The following OR3A2 variants were observed in gnomAD, a reference collection of about 807,000 sequenced individuals.
The protein encoded by OR3A2 is olfactory receptor 3A2.
For synonymous variants in OR3A2, 126 were observed against 159.3 expected (o/e 0.79, Z 1.57); for missense variants, 318 against 392.8 (o/e 0.81, Z 1.61).
chr17:3,367,287 T>C (rs2049572343), intron 2 of OR3A2, among the ~76,000 whole-genome samples: 2 of 152,136 alleles, frequency 1.3e-5, no homozygotes, highest in East Asian at 1.9e-4. Context: ...CGGTAGTGAT[T>C]TGCGACATTT....
At chr17:3,329,376 C>A (rs1052484143) in intron 3 of OR3A2, among the ~76,000 whole-genome samples, 1 of 150,632 alleles carries the variant, frequency 6.6e-6, no homozygotes, top group African/African-American at 2.5e-5. Flanking sequence ...TTGATTATTG[C>A]CACAATTTCA....
At chr17:3,305,358 T>C (rs374157975) in intron 3 of OR3A2, among the ~76,000 whole-genome samples, 4 of 152,278 alleles carry the variant, frequency 2.6e-5, no homozygotes, top group African/African-American at 2.4e-5. Context: ...AGGCAAGGAA[T>C]ATGAAGAATA....
intron 2 of OR3A2, among the ~76,000 whole-genome samples, chr17:3,337,446 C>A (rs2049281874): frequency 1.3e-5 from 2 of 152,006 alleles, no homozygotes; most frequent in African/African-American, 4.8e-5. Flanking sequence ...CACGAGAGGC[C>A]CCGGTGTGTG....
Position 3,278,265 on chromosome 17 carries a change from A to G in OR3A2, c.653T>C (p.Ile218Thr), listed in dbSNP as rs771172270. The change falls in exon 2 of 2, where the codon ATC (isoleucine) becomes ACC (threonine). Residue 218 changes from isoleucine (I) to threonine (T), a missense_variant. Ile to Thr is a moderately conservative substitution (Grantham distance 89, BLOSUM62 -1). Coordinates refer to ENST00000642052, the Ensembl canonical transcript of OR3A2. ...AGCTGCCACGTGGCTGTAGGCAGTG[A>G]TGATGAGAACCAAAGGTGTGCCTGC... 9 of 1,614,232 alleles carry G rather than the reference A, an allele frequency of 5.6e-6. No homozygotes were observed. In the South Asian group the frequency reaches 8.8e-5, roughly 16 times the overall value.
chr17:3,373,220 G>A (rs2049648089), intron 2 of OR3A2, among the ~76,000 whole-genome samples: 1 of 152,132 alleles, frequency 6.6e-6, no homozygotes, highest in Non-Finnish European at 1.5e-5. Context: ...CTATCATGTG[G>A]TCGATCTTGG....
intron 1 of OR3A2, 53 bp downstream of exon 1, chr17:3,386,072 T>C: frequency 2.5e-6 from 1 of 398,774 alleles, no homozygotes; most frequent in South Asian, 1.3e-4. Context: ...ATGGTGGCGC[T>C]GGTGAGATCC....
chr17:3,317,841 C>A (rs73979534), intron 3 of OR3A2, among the ~76,000 whole-genome samples: 1 of 152,020 alleles, frequency 6.6e-6, no homozygotes, highest in Non-Finnish European at 1.5e-5. Context: ...CTACCCCTCC[C>A]GGCCAGTGCT....
chr17:3,283,678 G>A (rs2048790844), intron 1 of OR3A2, among the ~76,000 whole-genome samples: 2 of 152,176 alleles, frequency 1.3e-5, no homozygotes, highest in South Asian at 4.1e-4. Flanking sequence ...CAGGGTTCAA[G>A]GCTGTGGCAG....
At chr17:3,374,479 G>A (rs2049662164) in intron 2 of OR3A2, among the ~76,000 whole-genome samples, 1 of 152,048 alleles carries the variant, frequency 6.6e-6, no homozygotes, top group South Asian at 2.1e-4. Context: ...TTTATTGGAG[G>A]CTTTATTCAT....
intron 3 of OR3A2, among the ~76,000 whole-genome samples, chr17:3,326,133 T>C (rs903531833): frequency 3.3e-5 from 5 of 152,168 alleles, no homozygotes; most frequent in Non-Finnish European, 5.9e-5. Context: ...TTCATTTCTA[T>C]GGCTGCATAG....
At chr17:3,284,680 C>T (rs960908661), upstream of OR3A2, 1 of 146,000 alleles carries the variant, frequency 6.8e-6, no homozygotes, top group Non-Finnish European at 1.5e-5. Context: ...TGCCTCTAGC[C>T]CTGGCTTTGT....
chr17:3,342,556 C>T (rs909883261), intron 2 of OR3A2, among the ~76,000 whole-genome samples: 1 of 152,182 alleles, frequency 6.6e-6, no homozygotes, highest in Non-Finnish European at 1.5e-5. Context: ...GCCGGAAGTC[C>T]ACTCCAGACC....
intron 3 of OR3A2, among the ~76,000 whole-genome samples, chr17:3,296,009 C>T (rs1435552263): frequency 1.3e-5 from 2 of 151,936 alleles, no homozygotes; most frequent in African/African-American, 2.4e-5. Context: ...AGAATAAAGG[C>T]GATAAAAACC....
upstream of OR3A2, among the ~76,000 whole-genome samples, chr17:3,285,325 G>C (rs1472362437): frequency 6.6e-6 from 1 of 152,128 alleles, no homozygotes; most frequent in African/African-American, 2.4e-5. Context: ...CTGTTCTTCT[G>C]ATTATTAGTG....
intron 2 of OR3A2, among the ~76,000 whole-genome samples, chr17:3,361,786 C>A (rs546568676): frequency 3.3e-5 from 5 of 151,432 alleles, no homozygotes; most frequent in African/African-American, 4.9e-5. Flanking sequence ...GAGGTGGATA[C>A]GCTTTTTGAT....
chr17:3,364,565 C>T (rs1300515092), intron 2 of OR3A2, among the ~76,000 whole-genome samples: 1 of 152,122 alleles, frequency 6.6e-6, no homozygotes, highest in African/African-American at 2.4e-5. Context: ...TGAGATATCA[C>T]CTTACTCATG....
intron 2 of OR3A2, among the ~76,000 whole-genome samples, chr17:3,368,879 G>A (rs1292791734): frequency 6.6e-6 from 1 of 152,090 alleles, no homozygotes; most frequent in Non-Finnish European, 1.5e-5. Context: ...CATGGGATAT[G>A]TTTCCGTTTC....
intron 2 of OR3A2, among the ~76,000 whole-genome samples, chr17:3,372,822 G>A (rs181009942): frequency 7.1e-6 from 1 of 141,424 alleles, no homozygotes; most frequent in Non-Finnish European, 1.5e-5. Context: ...TGGAAAGAGG[G>A]AGAGGGAGAG....
intron 2 of OR3A2, among the ~76,000 whole-genome samples, chr17:3,337,542 G>A (rs2049282683): frequency 6.6e-6 from 1 of 151,840 alleles, no homozygotes; most frequent in Non-Finnish European, 1.5e-5. Context: ...TTCTGTCCTT[G>A]CGATAGTTTA....
Sources: gnomAD v4.1 joint callset for allele counts (sites outside exome capture counted in the v4.1 genomes callset) on GRCh38, gnomAD v4.1.1 for gene constraint, MANE v1.5 for transcripts, NCBI Gene and HGNC (gene_info 2026-07-23, HGNC 2026-07-21) for gene names.